The following TNFRSF21 variants were observed in gnomAD, a reference collection of about 807,000 sequenced individuals.
TNFRSF21 encodes tumor necrosis factor receptor superfamily member 21.
TNFRSF21 carries 19 observed loss-of-function variants against 45.6 expected under a neutral mutation model. That is an observed-to-expected ratio of 0.42 (90% CI 0.29 to 0.61). The LOEUF is 0.61. Among genes scored for constraint, TNFRSF21 ranks in the 20% least tolerant of loss-of-function variants. TNFRSF21 has a pLI of 0.23. For missense variants in TNFRSF21, 737 were observed against 851.5 expected (o/e 0.87, Z 1.67); for synonymous variants, 314 against 335.5 (o/e 0.94, Z 0.70).
chr6:47,277,576 G>A (rs769293619), intron 3 of TNFRSF21, among the ~76,000 whole-genome samples: 1 of 152,176 alleles, frequency 6.6e-6, no homozygotes, highest in Non-Finnish European at 1.5e-5. Context: ...TAGTATCCCT[G>A]TATTACACAT....
chr6:47,239,618 C>T (rs190098171), intron 4 of TNFRSF21, among the ~76,000 whole-genome samples: 3 of 152,250 alleles, frequency 2.0e-5, no homozygotes, highest in Admixed American at 2.0e-4. Flanking sequence ...ACTTCATGTT[C>T]CCCATAGTCA....
At chr6:47,262,377 G>A (rs1053986991) in intron 3 of TNFRSF21, among the ~76,000 whole-genome samples, 4 of 152,186 alleles carry the variant, frequency 2.6e-5, no homozygotes, top group African/African-American at 9.6e-5. Context: ...AATGTCTGAA[G>A]CTGTTAACTT....
chr6:47,266,956 C>T (rs1010439261), intron 3 of TNFRSF21, among the ~76,000 whole-genome samples: 1 of 152,102 alleles, frequency 6.6e-6, no homozygotes, highest in African/African-American at 2.4e-5. Flanking sequence ...CTTTCACCTC[C>T]CAAGGCTTCA....
chr6:47,287,558 T>C (rs1021949236), intron 1 of TNFRSF21, among the ~76,000 whole-genome samples: 14 of 152,182 alleles, frequency 9.2e-5, no homozygotes, highest in African/African-American at 3.4e-4. Flanking sequence ...AGCTTAGTTC[T>C]ATACTATAAA....
At chr6:47,309,316 G>C in intron 1 of TNFRSF21, 100 bp downstream of exon 1, 1 of 1,424,174 alleles carries the variant, frequency 7.0e-7, no homozygotes. Context: ...GCCGGGCCCC[G>C]CGCCTCCCTA....
chr6:47,258,747 C>T (rs1456972270), intron 3 of TNFRSF21, among the ~76,000 whole-genome samples: 1 of 152,070 alleles, frequency 6.6e-6, no homozygotes, highest in Non-Finnish European at 1.5e-5. Context: ...TATTTCCTTT[C>T]TTTAAATCTA....
At chr6:47,262,763 G>A (rs1399699388) in intron 3 of TNFRSF21, among the ~76,000 whole-genome samples, 2 of 152,182 alleles carry the variant, frequency 1.3e-5, no homozygotes, top group Admixed American at 6.5e-5. Context: ...GAGCAGGAAG[G>A]CTGGCATGGC....
rs547882047 is a variant in TNFRSF21, at chr6:47,233,828, A to T, written c.1739-834T>A. ...TTACCCAAAACTAGAAAATTTCTTTAAAAACTGTCATAAATAGTGTATGCT... is the reference window on the plus strand; with the variant it reads ...TTACCCAAAACTAGAAAATTTCTTTTAAAACTGTCATAAATAGTGTATGCT... On this transcript the variant is annotated intron_variant, in intron 5 of 5. Coordinates refer to ENST00000296861, the MANE Select transcript of TNFRSF21 (RefSeq NM_014452.5). Among the ~76,000 whole-genome samples the T allele has an allele frequency of 6.6e-5, 10 of 152,182 alleles. No individual in the cohort carries two copies. In the South Asian group the frequency reaches 2.1e-3, roughly 32 times the overall value.
intron 1 of TNFRSF21, among the ~76,000 whole-genome samples, chr6:47,289,367 T>C (rs1033848493): frequency 6.6e-6 from 1 of 152,158 alleles, no homozygotes; most frequent in Admixed American, 6.5e-5. Context: ...TGAAGTCCCT[T>C]CCCCTGTCCC....
intron 3 of TNFRSF21, among the ~76,000 whole-genome samples, chr6:47,274,567 C>T (rs1434615492): frequency 1.3e-5 from 2 of 152,180 alleles, no homozygotes; most frequent in Admixed American, 6.5e-5. Context: ...CCATTCAGGA[C>T]ATAGGCATGG....
At chr6:47,261,898 C>CAA (rs1765078404) in intron 3 of TNFRSF21, among the ~76,000 whole-genome samples, 1 of 152,172 alleles carries the variant, frequency 6.6e-6, no homozygotes, top group Non-Finnish European at 1.5e-5. Context: ...ATTTGTATAC[C>CAA]AACAGCAGTA....
intron 1 of TNFRSF21, among the ~76,000 whole-genome samples, chr6:47,306,557 A>C (rs1296683270): frequency 6.6e-6 from 1 of 152,230 alleles, no homozygotes; most frequent in East Asian, 1.9e-4. Context: ...CTATGAATAA[A>C]TGAGATACTG....
At chr6:47,286,730 C>G in intron 1 of TNFRSF21, 135 bp from the exon 2 acceptor site, 3 of 917,326 alleles carry the variant, frequency 3.3e-6, no homozygotes, top group Non-Finnish European at 1.6e-6. Context: ...ACTGCATCCT[C>G]TTGACAGCAT....
intron 3 of TNFRSF21, among the ~76,000 whole-genome samples, chr6:47,277,668 T>A (rs181511788): frequency 9.1e-4 from 138 of 152,172 alleles, no homozygotes; most frequent in Non-Finnish European, 1.5e-3. Context: ...GACTCCAGAG[T>A]CTTTGTTCCT....
chr6:47,280,731 C>T (rs1296078078), intron 3 of TNFRSF21, among the ~76,000 whole-genome samples: 2 of 152,118 alleles, frequency 1.3e-5, no homozygotes, highest in African/African-American at 4.8e-5. Context: ...GTCATAAGAA[C>T]GTCTAAGGTC....
intron 3 of TNFRSF21, among the ~76,000 whole-genome samples, chr6:47,257,119 G>A (rs968046504): frequency 6.6e-6 from 1 of 151,914 alleles, no homozygotes; most frequent in African/African-American, 2.4e-5. Flanking sequence ...CAAATACACG[G>A]CCTTTACGAA....
At chr6:47,246,203 G>A (rs1200389144) in intron 4 of TNFRSF21, among the ~76,000 whole-genome samples, 1 of 152,148 alleles carries the variant, frequency 6.6e-6, no homozygotes, top group Admixed American at 6.5e-5. Context: ...CAGTGTTTGG[G>A]ACACAACAGA....
At chr6:47,286,996 CATTTGCAAAATTTGCA>C (rs1273967416) in intron 1 of TNFRSF21, among the ~76,000 whole-genome samples, 5 of 152,088 alleles carry the variant, frequency 3.3e-5, no homozygotes, top group South Asian at 4.2e-4. Flanking sequence ...GTAATTTTTG[CATTTGCAAAATTTGCA>C]ATTTGCAAAA....
At chr6:47,278,970 G>A (rs1014336412) in intron 3 of TNFRSF21, among the ~76,000 whole-genome samples, 3 of 152,112 alleles carry the variant, frequency 2.0e-5, no homozygotes, top group Admixed American at 6.5e-5. Context: ...AGGTTTAAAC[G>A]AGGTATACCC....
Sources: allele counts gnomAD v4.1 joint callset (sites outside exome capture counted in the v4.1 genomes callset), GRCh38; gene constraint gnomAD v4.1.1; transcripts MANE v1.5; gene names NCBI Gene and HGNC (gene_info 2026-07-23, HGNC 2026-07-21).